The following MRPS28 variants were observed in gnomAD, a reference collection of about 807,000 sequenced individuals.
MRPS28 encodes the protein small ribosomal subunit protein bS1m.
MRPS28 carries 7 observed loss-of-function variants against 10.8 expected under a neutral mutation model. That is an observed-to-expected ratio of 0.65 (90% CI 0.37 to 1.22). MRPS28 has a LOEUF of 1.22. Among genes scored for constraint, MRPS28 ranks in the 50% most tolerant of loss-of-function variants. The pLI, the probability that MRPS28 is intolerant of heterozygous loss-of-function variation, is 0.02. For synonymous variants in MRPS28, 121 were observed against 93.3 expected, an observed-to-expected ratio of 1.30 and a Z score of -1.71; for missense variants, 265 against 232.9, an observed-to-expected ratio of 1.14 and a Z score of -0.90.
chr8:80,029,042 C>A (rs1343364906), intron 1 of MRPS28, among the ~76,000 whole-genome samples: 2 of 152,100 alleles, frequency 1.3e-5, no homozygotes, highest in African/African-American at 4.8e-5. Flanking sequence ...AGAGATTCTC[C>A]TAGAAGCTAC....
intron 2 of MRPS28, among the ~76,000 whole-genome samples, chr8:79,985,228 A>G (rs58617858): frequency 0.054 from 8,293 of 152,178 alleles, 484 homozygotes; most frequent in African/African-American, 0.14. Context: ...TGAAACCAAC[A>G]AGAACAAAGA....
chr8:79,995,966 A>G (rs1808491626), intron 2 of MRPS28, among the ~76,000 whole-genome samples: 1 of 152,146 alleles, frequency 6.6e-6, no homozygotes, highest in Non-Finnish European at 1.5e-5. Context: ...GCAGAACTGG[A>G]GGGTTATATG....
At chr8:79,984,321 T>C (rs1324478891) in intron 2 of MRPS28, among the ~76,000 whole-genome samples, 1 of 152,200 alleles carries the variant, frequency 6.6e-6, no homozygotes, top group Non-Finnish European at 1.5e-5. Flanking sequence ...TGCATAATCA[T>C]GCCAAATTGT....
intron 2 of MRPS28, among the ~76,000 whole-genome samples, chr8:80,002,319 AT>A (rs1808681665): frequency 6.6e-6 from 1 of 152,332 alleles, no homozygotes; most frequent in East Asian, 1.9e-4. Flanking sequence ...CTGCCAGTTA[AT>A]TTAATATACT....
chr8:80,005,663 T>C (rs1808818768), intron 1 of MRPS28, among the ~76,000 whole-genome samples: 1 of 152,178 alleles, frequency 6.6e-6, no homozygotes. Flanking sequence ...ATGGGCTACA[T>C]GCTCCAATTA....
intron 2 of MRPS28, among the ~76,000 whole-genome samples, chr8:79,979,984 T>C (rs1807912337): frequency 6.8e-6 from 1 of 148,004 alleles, no homozygotes; most frequent in South Asian, 2.2e-4. Flanking sequence ...AGTTTTCTGC[T>C]ATTTGCAATT....
At chr8:79,969,042 C>T (rs906753837) in intron 2 of MRPS28, among the ~76,000 whole-genome samples, 1 of 152,142 alleles carries the variant, frequency 6.6e-6, no homozygotes, top group African/African-American at 2.4e-5. Context: ...AAAACAGTTG[C>T]TCAGACCCTA....
intron 2 of MRPS28, among the ~76,000 whole-genome samples, chr8:79,950,084 C>G (rs1422796207): frequency 6.6e-6 from 1 of 152,032 alleles, no homozygotes; most frequent in Non-Finnish European, 1.5e-5. Context: ...AAGCAAAAAA[C>G]CCCAGCTTCC....
At chr8:79,931,494 T>C (rs1423740143) in intron 2 of MRPS28, among the ~76,000 whole-genome samples, 1 of 152,196 alleles carries the variant, frequency 6.6e-6, no homozygotes, top group Non-Finnish European at 1.5e-5. Flanking sequence ...AGAACACTCC[T>C]TGTAGGTGAA....
At chr8:79,997,139 T>C (rs761740864) in intron 2 of MRPS28, among the ~76,000 whole-genome samples, 1 of 152,146 alleles carries the variant, frequency 6.6e-6, no homozygotes, top group Non-Finnish European at 1.5e-5. Flanking sequence ...GTCTGTGAAA[T>C]TGTTTGCTGC....
At chr8:79,937,304 T>C (rs1372802999) in intron 2 of MRPS28, among the ~76,000 whole-genome samples, 1 of 152,256 alleles carries the variant, frequency 6.6e-6, no homozygotes, top group African/African-American at 2.4e-5. Flanking sequence ...TTTTCAAAAC[T>C]TGTTCCCTTG....
intron 1 of MRPS28, among the ~76,000 whole-genome samples, chr8:80,024,353 G>A (rs553171668): frequency 3.5e-4 from 53 of 152,200 alleles, no homozygotes; most frequent in Non-Finnish European, 6.0e-4. Context: ...GTGAGCATGG[G>A]ATGAGTATGG....
At chr8:79,938,305 A>C (rs1445797251) in intron 2 of MRPS28, among the ~76,000 whole-genome samples, 1 of 152,154 alleles carries the variant, frequency 6.6e-6, no homozygotes, top group East Asian at 1.9e-4. Context: ...CTTCTCACAC[A>C]AACAACTTTA....
chr8:80,002,833 T>C (rs769785916), intron 2 of MRPS28, among the ~76,000 whole-genome samples, 166 bp downstream of exon 2: 2 of 152,240 alleles, frequency 1.3e-5, no homozygotes, highest in Non-Finnish European at 2.9e-5. Flanking sequence ...TGGCCTGACA[T>C]GACCAACAAG....
At chr8:79,965,738 G>T (rs1473921570) in intron 2 of MRPS28, among the ~76,000 whole-genome samples, 1 of 152,006 alleles carries the variant, frequency 6.6e-6, no homozygotes, top group Non-Finnish European at 1.5e-5. Context: ...AAAAATAACT[G>T]CTTTGAGAGT....
intron 1 of MRPS28, among the ~76,000 whole-genome samples, chr8:80,023,239 T>C (rs936032968): frequency 3.9e-5 from 6 of 152,212 alleles, no homozygotes; most frequent in Non-Finnish European, 8.8e-5. Flanking sequence ...ATCATTCCTT[T>C]ACATATCAAA....
Position 80,030,139 on chromosome 8 carries a change from C to A in MRPS28, c.110G>T (p.Ser37Ile). ...RGVGTESGSE[S>I]GSSNAKEPKT... ...AGGCTCCTTGGCATTGGAACTACCA[C>A]TTTCGGATCCACTCTCAGTGCCTAC... Residue 37 changes from serine (S) to isoleucine (I), a missense_variant, in exon 1 of 3, where the codon AGT (serine) becomes ATT (isoleucine). By Grantham distance (142) the Ser-to-Ile change is moderately radical (BLOSUM62 -2). Coordinates refer to ENST00000276585, the MANE Select transcript of MRPS28 (RefSeq NM_014018.3). 1 of 1,612,574 alleles carries A rather than the reference C, an allele frequency of 6.2e-7. No homozygotes were observed. The highest frequency in any genetic ancestry group is 8.5e-7 in the Non-Finnish European group (1 of 1,180,024).
chr8:79,996,312 C>T (rs1308094438), intron 2 of MRPS28, among the ~76,000 whole-genome samples: 1 of 152,150 alleles, frequency 6.6e-6, no homozygotes, highest in Non-Finnish European at 1.5e-5. Flanking sequence ...CATTACAAAA[C>T]AAAGCCTAGA....
intron 2 of MRPS28, among the ~76,000 whole-genome samples, chr8:79,919,898 T>G (rs974156382): frequency 6.6e-6 from 1 of 151,708 alleles, no homozygotes; most frequent in South Asian, 2.1e-4. Context: ...GCTGCACCCA[T>G]TAACTCGTCA....
Sources: gnomAD v4.1 joint callset for allele counts (sites outside exome capture counted in the v4.1 genomes callset) on GRCh38, gnomAD v4.1.1 for gene constraint, MANE v1.5 for transcripts, NCBI Gene and HGNC (gene_info 2026-07-23, HGNC 2026-07-21) for gene names.